TPRG1: variants seen among roughly 807,000 people sequenced by gnomAD.
The protein encoded by TPRG1 is tumor protein p63-regulated gene 1 protein.
In TPRG1, 29 loss-of-function variants were observed where a neutral mutation model predicts 29.3. The ratio of observed to expected loss-of-function variants is 0.99; its 90% CI spans 0.74 to 1.35. The LOEUF (loss-of-function observed/expected upper bound fraction) is 1.35. TPRG1 is among the 40% of genes most tolerant of loss of function. TPRG1 has a pLI of 0.00. For missense variants in TPRG1, 327 were observed against 335.0 expected, an observed-to-expected ratio of 0.98 and a Z score of 0.19; for synonymous variants, 130 against 116.8, an observed-to-expected ratio of 1.11 and a Z score of -0.73.
chr3:189,085,829 A>G (rs1220552425), intron 4 of TPRG1, among the ~76,000 whole-genome samples: 2 of 152,214 alleles, frequency 1.3e-5, no homozygotes, highest in Admixed American at 1.3e-4. Flanking sequence ...ACTTGAGGAT[A>G]TGGATGTATT....
At chr3:189,096,829 A>T (rs1718710619), upstream of TPRG1, among the ~76,000 whole-genome samples, 6 of 152,236 alleles carry the variant, frequency 3.9e-5, no homozygotes, top group Admixed American at 3.9e-4. Context: ...ATTCTGCCTT[A>T]TACAGACGTA....
At chr3:189,171,446 T>C (rs939424120), upstream of TPRG1, among the ~76,000 whole-genome samples, 3 of 152,236 alleles carry the variant, frequency 2.0e-5, no homozygotes, top group African/African-American at 7.2e-5. Context: ...AGATGTAGCA[T>C]TGCCCTCAAG....
intron 4 of TPRG1, among the ~76,000 whole-genome samples, chr3:189,309,571 A>T (rs1436390254): frequency 6.6e-6 from 1 of 152,194 alleles, no homozygotes; most frequent in Admixed American, 6.5e-5. Flanking sequence ...CACAAATCAT[A>T]AATTCTGATG....
chr3:189,267,472 A>G (rs915553443), intron 4 of TPRG1: 2 of 152,260 alleles, frequency 1.3e-5, no homozygotes, highest in Non-Finnish European at 2.9e-5. Flanking sequence ...ATAAAGATGT[A>G]AGCAACATAT....
chr3:189,197,054 G>A (rs1410756761), intron 1 of TPRG1, among the ~76,000 whole-genome samples: 1 of 152,010 alleles, frequency 6.6e-6, no homozygotes, highest in African/African-American at 2.4e-5. Context: ...ATGCTGGGAA[G>A]GTAGTAATCT....
intron 1 of TPRG1, among the ~76,000 whole-genome samples, chr3:189,185,547 T>C (rs1340180500): frequency 1.3e-5 from 2 of 151,874 alleles, no homozygotes; most frequent in African/African-American, 4.8e-5. Context: ...TTTGAAACAA[T>C]ATTTACGACA....
intron 4 of TPRG1, among the ~76,000 whole-genome samples, chr3:189,294,084 G>A (rs1375394037): frequency 1.3e-5 from 2 of 152,206 alleles, no homozygotes; most frequent in African/African-American, 4.8e-5. Context: ...TATACTGTAT[G>A]AAGGGCTAAG....
rs938819548 is a variant in TPRG1 at position 189,321,625 on chromosome 3, C to G, written c.*805C>G. The G allele has an allele frequency of 1.3e-5, 2 of 152,116 alleles. No homozygotes were observed. Among genetic ancestry groups the G allele is most frequent in the Non-Finnish European group, 2.9e-5 (2 of 68,008 alleles). The allele number at this position is 152,116 out of a possible 1,614,324, so 9.4% of individuals were successfully genotyped here. A position where few individuals can be genotyped will look rare whatever the true frequency, so the allele number is the denominator to read the frequency against. On this transcript the variant is annotated 3_prime_UTR_variant, in exon 6 of 6. Coordinates refer to ENST00000345063, the MANE Select transcript of TPRG1 (RefSeq NM_198485.4). ...TCTGCTCAACCAATTATTACCACAG[C>G]CTGTTAAATGGAATCCCTACTCCAA...
chr3:189,205,394 G>A (rs1734171050), intron 1 of TPRG1, among the ~76,000 whole-genome samples: 1 of 152,218 alleles, frequency 6.6e-6, no homozygotes, highest in African/African-American at 2.4e-5. Flanking sequence ...AGACTGTCCA[G>A]TTCACTCCTA....
chr3:189,212,538 G>A (rs772891701), intron 2 of TPRG1, among the ~76,000 whole-genome samples: 1 of 150,126 alleles, frequency 6.7e-6, no homozygotes, highest in Non-Finnish European at 1.5e-5. Flanking sequence ...TTCCAACCCT[G>A]AAATCCTGTG....
At chr3:189,317,762 T>A (rs1723773545) in intron 5 of TPRG1, among the ~76,000 whole-genome samples, 1 of 152,210 alleles carries the variant, frequency 6.6e-6, no homozygotes, top group Non-Finnish European at 1.5e-5. Flanking sequence ...TCATATCAAA[T>A]GTATACTTAC....
At chr3:189,246,336 A>G (rs1741384180) in intron 4 of TPRG1, among the ~76,000 whole-genome samples, 2 of 152,072 alleles carry the variant, frequency 1.3e-5, no homozygotes, top group East Asian at 1.9e-4. Flanking sequence ...AGTCTTGGGT[A>G]TTTCTTCATA....
chr3:189,239,089 C>A, intron 4 of TPRG1, 180 bp downstream of exon 4: 1 of 512,210 alleles, frequency 2.0e-6, no homozygotes, highest in Non-Finnish European at 3.4e-6. Context: ...AGGGATACAA[C>A]TTTAAGTAAA....
rs376353486 is a variant in TPRG1 at position 189,312,093 on chromosome 3, CTTTG to C, written c.633+1558_633+1561del. ...CAGAACACTTTATGTTTCTTTCTTT[CTTTG>C]TTTCTTTGTTTCTTTCTTTGTTTCT... On this transcript the variant is annotated intron_variant, in intron 5 of 5. Transcript: ENST00000345063. Among the ~76,000 whole-genome samples, 663 of 95,010 alleles carry C rather than the reference CTTTG, an allele frequency of 7.0e-3. 32 individuals are homozygous for C. The highest frequency in any genetic ancestry group is 0.01 in the Middle Eastern group (2 of 192). 62.3% of individuals were successfully genotyped at this position (95,010 alleles called of 152,430 possible).
intron 5 of TPRG1, among the ~76,000 whole-genome samples, chr3:189,163,738 C>T (rs566924284): frequency 5.9e-5 from 9 of 152,196 alleles, no homozygotes; most frequent in African/African-American, 2.2e-4. Context: ...GCCATTAGGG[C>T]TTCTCCACAA....
intron 4 of TPRG1, among the ~76,000 whole-genome samples, chr3:189,087,034 G>T (rs1264946268): frequency 4.6e-5 from 7 of 152,156 alleles, no homozygotes; most frequent in African/African-American, 1.7e-4. Flanking sequence ...TAATGGGATG[G>T]CTGGGTCAAA....
chr3:189,171,682 A>G (rs980864042), upstream of TPRG1, among the ~76,000 whole-genome samples: 1 of 152,226 alleles, frequency 6.6e-6, no homozygotes, highest in Non-Finnish European at 1.5e-5. Context: ...ATAGGAGTGT[A>G]GGCCTCAGGC....
chr3:189,023,444 G>C (rs1227402412), intron 3 of TPRG1, among the ~76,000 whole-genome samples: 1 of 152,176 alleles, frequency 6.6e-6, no homozygotes, highest in African/African-American at 2.4e-5. Context: ...GTTACAGCAT[G>C]CTCCTTTAAC....
At chr3:189,082,060 G>A (rs1717627747) in intron 4 of TPRG1, among the ~76,000 whole-genome samples, 1 of 152,126 alleles carries the variant, frequency 6.6e-6, no homozygotes, top group African/African-American at 2.4e-5. Flanking sequence ...TGTTGTCTGA[G>A]GTGGAACAAG....
Sources: gnomAD v4.1 joint callset for allele counts (sites outside exome capture counted in the v4.1 genomes callset) on GRCh38, gnomAD v4.1.1 for gene constraint, MANE v1.5 for transcripts, NCBI Gene and HGNC (gene_info 2026-07-23, HGNC 2026-07-21) for gene names.